Variants in RARS2 observed in about 807,000 individuals in gnomAD.
The protein encoded by RARS2 is arginyl-tRNA synthetase 2, mitochondrial, also known as probable arginine--tRNA ligase, mitochondrial.
RARS2 carries 67 observed loss-of-function variants against 88.5 expected under a neutral mutation model. The observed-to-expected ratio is 0.76, with a 90% confidence interval of 0.62 to 0.93. The LOEUF is 0.93. Ranked by LOEUF, RARS2 falls within the 40% of genes least tolerant of loss-of-function variation. The pLI, the probability that RARS2 is intolerant of heterozygous loss-of-function variation, is 0.00. For missense variants in RARS2, 664 were observed against 684.2 expected (o/e 0.97, Z 0.33); for synonymous variants, 239 against 230.3 (o/e 1.04, Z -0.34).
chr6:87,535,794 G>A lies in RARS2; in HGVS notation c.613-4852C>T, dbSNP rs370963874. ...TGGGTTCAAGCGATTCTCGTCCCTCGGCCTCCTGAGTAGCTGGGATTACAA... is the reference window on the plus strand; with the variant it reads ...TGGGTTCAAGCGATTCTCGTCCCTCAGCCTCCTGAGTAGCTGGGATTACAA... On this transcript the variant is annotated intron_variant, in intron 8 of 19. Transcript: ENST00000369536. 3.3e-5 allele frequency among the ~76,000 whole-genome samples: 5 copies of A among 149,918 alleles called. No individual in the cohort carries two copies. The East Asian group carries it at 9.8e-4, about 29-fold the overall frequency.
intron 4 of RARS2, among the ~76,000 whole-genome samples, chr6:87,558,181 G>C (rs201451657): frequency 1.7e-5 from 2 of 118,482 alleles, no homozygotes; most frequent in Non-Finnish European, 3.7e-5. Context: ...CCGTCTCAAA[G>C]AAAAAAAAAA....
chr6:87,551,331 T>A (rs1238082381), intron 5 of RARS2, among the ~76,000 whole-genome samples: 1 of 152,058 alleles, frequency 6.6e-6, no homozygotes, highest in African/African-American at 2.4e-5. Flanking sequence ...AAGGGACAGA[T>A]AACATCACTC....
At chr6:87,526,714 A>C (rs1775850106) in intron 10 of RARS2, among the ~76,000 whole-genome samples, 1 of 150,004 alleles carries the variant, frequency 6.7e-6, no homozygotes, top group Admixed American at 6.6e-5. Flanking sequence ...CTTATTGCCC[A>C]GGTTGGAGTG....
Position 87,562,925 on chromosome 6 carries a change from CA to C in RARS2, c.214-141del, listed in dbSNP as rs911869530. 5.3e-5 allele frequency: 37 copies of C among 701,436 alleles called. No individual in the cohort carries two copies. The Admixed American group carries it at 7.8e-4, about 15-fold the overall frequency. 43.5% of individuals were successfully genotyped at this position (701,436 alleles called of 1,614,324 possible). A position where few individuals can be genotyped will look rare whatever the true frequency, so the allele number is the denominator to read the frequency against. ...CCTATATCGGGTCCCAGTTCTCAGG[CA>C]ATCTCTTTAGTTCCATACTTCTATT... On this transcript the variant is annotated intron_variant, in intron 3 of 19. Transcript: ENST00000369536.
intron 5 of RARS2, 37 bp from the exon 6 acceptor site, chr6:87,548,683 A>T: frequency 6.3e-7 from 1 of 1,581,508 alleles, no homozygotes; most frequent in Non-Finnish European, 8.7e-7. Flanking sequence ...CTATTCTAAG[A>T]CTTAAGACTT....
intron 4 of RARS2, among the ~76,000 whole-genome samples, chr6:87,557,251 CTT>C (rs1246005639): frequency 4.6e-5 from 7 of 152,156 alleles, no homozygotes; most frequent in Admixed American, 4.6e-4. Context: ...ATAATACTCT[CTT>C]GACTCACATT....
rs1770705333 is a variant in RARS2 at position 87,513,992 on chromosome 6, T to G, written c.*421A>C. ...GACTGAATAACTTGACAAGTCACATTTAATACAGATTCTGACACAGAATAA... is the reference window on the plus strand; with the variant it reads ...GACTGAATAACTTGACAAGTCACATGTAATACAGATTCTGACACAGAATAA... On this transcript the variant is annotated 3_prime_UTR_variant, in exon 20 of 20. Transcript: ENST00000369536. Among the ~76,000 whole-genome samples, 1 of 152,188 alleles carries G rather than the reference T, an allele frequency of 6.6e-6. No homozygotes were observed. The highest frequency in any genetic ancestry group is 2.4e-5 in the African/African-American group (1 of 41,444).
In RARS2 at chr6:87,569,549, T is replaced by G. The variant is rs138360045; in HGVS notation, c.78A>C (p.Thr26=). The change falls in exon 2 of 20, where the codon ACA becomes ACC. Residue 26 remains threonine (T), a synonymous_variant. Coordinates refer to ENST00000369536, the MANE Select transcript of RARS2 (RefSeq NM_020320.5). ...VLNLPPENLI[T]SISAVPISQK... ...GGGAAATTGGAACTGCAGATATTGA[T>G]GTGATCAAGTTTTCTGGTGGAAGAT... 1,067 of 1,606,342 alleles carry G rather than the reference T, an allele frequency of 6.6e-4. No individual in the cohort carries two copies. The highest frequency in any genetic ancestry group is 8.5e-4 in the Non-Finnish European group (1,003 of 1,173,122).
intron 2 of RARS2, 73 bp downstream of exon 2, chr6:87,569,444 C>A: frequency 8.5e-7 from 1 of 1,180,688 alleles, no homozygotes; most frequent in South Asian, 1.2e-5. Context: ...AGTAACAATT[C>A]TTTTTTGCTT....
At chr6:87,564,410 A>T (rs1767199344) in intron 2 of RARS2, 178 bp from the exon 3 acceptor site, 3 of 601,796 alleles carry the variant, frequency 5.0e-6, no homozygotes, top group Middle Eastern at 4.6e-4. Flanking sequence ...CTGTAATCCC[A>T]GCACTTTGGG....
At chr6:87,586,069 A>C (rs766674976) in intron 1 of RARS2, among the ~76,000 whole-genome samples, 1 of 152,198 alleles carries the variant, frequency 6.6e-6, no homozygotes, top group Non-Finnish European at 1.5e-5. Flanking sequence ...AAGTGATATG[A>C]TTTGATTCAC....
intron 12 of RARS2, among the ~76,000 whole-genome samples, chr6:87,520,614 T>C (rs1217754318): frequency 6.6e-6 from 1 of 152,094 alleles, no homozygotes; most frequent in Non-Finnish European, 1.5e-5. Context: ...GAAAGGAAGG[T>C]TTCACATGAT....
intron 1 of RARS2, among the ~76,000 whole-genome samples, chr6:87,577,221 T>G (rs1284042900): frequency 6.6e-6 from 1 of 152,238 alleles, no homozygotes; most frequent in African/African-American, 2.4e-5. Context: ...AGACAGGGTC[T>G]CACTTTGTTG....
At chr6:87,585,860 G>A (rs926642906) in intron 1 of RARS2, among the ~76,000 whole-genome samples, 7 of 152,084 alleles carry the variant, frequency 4.6e-5, no homozygotes, top group Admixed American at 6.6e-5. Flanking sequence ...AACTTTCATC[G>A]TGCATAAAGA....
chr6:87,537,807 C>T (rs1164952145), intron 8 of RARS2, among the ~76,000 whole-genome samples: 3 of 152,100 alleles, frequency 2.0e-5, no homozygotes, highest in African/African-American at 7.2e-5. Flanking sequence ...CATTATTTAC[C>T]AATACACCAA....
chr6:87,575,275 A>ACACC (rs1771121102), intron 1 of RARS2, among the ~76,000 whole-genome samples: 1 of 140,248 alleles, frequency 7.1e-6, no homozygotes, highest in Non-Finnish European at 1.6e-5. Flanking sequence ...ACACACACAC[A>ACACC]CACCTTGGCT....
intron 11 of RARS2, among the ~76,000 whole-genome samples, chr6:87,522,442 C>G (rs1774231200): frequency 6.7e-6 from 1 of 149,322 alleles, no homozygotes; most frequent in African/African-American, 2.5e-5. Context: ...TAATGAAAAA[C>G]CATAAAATTT....
intron 1 of RARS2, among the ~76,000 whole-genome samples, chr6:87,570,444 A>G (rs981350036): frequency 6.6e-6 from 1 of 152,158 alleles, no homozygotes; most frequent in Non-Finnish European, 1.5e-5. Context: ...TTTGAGACAG[A>G]GTCTCGCTCT....
Position 87,585,472 on chromosome 6 carries a change from T to C in RARS2, c.36+4450A>G, listed in dbSNP as rs574499714. On this transcript the variant is annotated intron_variant, in intron 1 of 19. Coordinates refer to ENST00000369536, the MANE Select transcript of RARS2 (RefSeq NM_020320.5). ...TTTGCCTGGCGCGGTGGCTCACGCCTGTAATCCCGGCACTTTGGGAGGCTG... is the reference window on the plus strand; with the variant it reads ...TTTGCCTGGCGCGGTGGCTCACGCCCGTAATCCCGGCACTTTGGGAGGCTG... 2.0e-5 allele frequency among the ~76,000 whole-genome samples: 3 copies of C among 152,332 alleles called. No homozygotes were observed. The East Asian group carries it at 5.8e-4, about 29-fold the overall frequency.
Sources: gnomAD v4.1 joint callset for allele counts (sites outside exome capture counted in the v4.1 genomes callset) on GRCh38, gnomAD v4.1.1 for gene constraint, MANE v1.5 for transcripts, NCBI Gene and HGNC (gene_info 2026-07-23, HGNC 2026-07-21) for gene names.